KCNN2: variants seen among roughly 807,000 people sequenced by gnomAD.
The protein encoded by KCNN2 is potassium calcium-activated channel subfamily N member 2, also known as small conductance calcium-activated potassium channel protein 2.
A neutral mutation model predicts 55.5 loss-of-function variants in KCNN2; 24 were observed. The ratio of observed to expected loss-of-function variants is 0.43; its 90% CI spans 0.31 to 0.61. KCNN2 has a LOEUF of 0.61. Ranked by LOEUF, KCNN2 falls within the 20% of genes least tolerant of loss-of-function variation. The pLI is 0.08. For synonymous variants in KCNN2, 431 were observed against 336.1 expected, an observed-to-expected ratio of 1.28 and a Z score of -3.09; for missense variants, 754 against 853.6, an observed-to-expected ratio of 0.88 and a Z score of 1.45.
chr5:114,185,625 C>T (rs984445474), intron 1 of KCNN2, among the ~76,000 whole-genome samples: 4 of 152,240 alleles, frequency 2.6e-5, no homozygotes, highest in African/African-American at 9.6e-5. Flanking sequence ...ACCCTTTAAA[C>T]CATCTGCGAG....
intron 2 of KCNN2, among the ~76,000 whole-genome samples, chr5:114,287,768 G>A (rs917649635): frequency 2.0e-4 from 28 of 137,820 alleles, no homozygotes; most frequent in African/African-American, 7.4e-4. Context: ...AAAAAAAAAA[G>A]AAGAAGAATA....
intron 1 of KCNN2, among the ~76,000 whole-genome samples, chr5:114,142,963 G>A (rs1252364073): frequency 1.3e-5 from 2 of 152,080 alleles, no homozygotes; most frequent in Non-Finnish European, 2.9e-5. Flanking sequence ...TGTATTGCGG[G>A]ATCTGGCCAG....
chr5:114,364,480 A>G (rs531800683), intron 2 of KCNN2, among the ~76,000 whole-genome samples: 1 of 152,294 alleles, frequency 6.6e-6, no homozygotes, highest in South Asian at 2.1e-4. Flanking sequence ...AGATATGGGA[A>G]AAGATCTAAC....
chr5:114,154,954 G>C (rs554396522), intron 1 of KCNN2, among the ~76,000 whole-genome samples: 1 of 151,974 alleles, frequency 6.6e-6, no homozygotes, highest in African/African-American at 2.4e-5. Context: ...TTTCATCATG[G>C]GGGTTTGTTG....
rs547105593 is a variant in KCNN2, at chr5:114,263,827, T to C, written c.-185+42262T>C. 2.6e-5 allele frequency among the ~76,000 whole-genome samples: 4 copies of C among 152,236 alleles called. No homozygotes were observed. The South Asian group carries it at 8.3e-4, about 32-fold the overall frequency. The stretch of plus-strand genomic sequence containing the variant: ...TCACCCCTGCCTCTCATAAGGGAGT[T>C]TGAAAATTTAGGGAGTTCCCCTTCA... On this transcript the variant is annotated intron_variant, in intron 2 of 10. Transcript: ENST00000512097.
chr5:114,495,743 T>TG (rs920806627), intron 7 of KCNN2, 152 bp from the exon 8 acceptor site: 1 of 689,336 alleles, frequency 1.5e-6, no homozygotes, highest in African/African-American at 1.8e-5. Flanking sequence ...ACACATACAA[T>TG]GAGTTGGCTT....
chr5:114,108,388 A>T (rs1434380872), intron 1 of KCNN2, among the ~76,000 whole-genome samples: 4 of 151,960 alleles, frequency 2.6e-5, no homozygotes, highest in Non-Finnish European at 5.9e-5. Flanking sequence ...TCTTTTTTTA[A>T]TTGAGGCACA....
At chr5:114,060,431 T>C (rs1211467134) in intron 1 of KCNN2, among the ~76,000 whole-genome samples, 1 of 152,162 alleles carries the variant, frequency 6.6e-6, no homozygotes, top group Non-Finnish European at 1.5e-5. Context: ...ACATACGGTG[T>C]GTGAGCAGCA....
At chr5:114,444,703 A>C (rs989365606) in intron 3 of KCNN2, among the ~76,000 whole-genome samples, 12 of 152,078 alleles carry the variant, frequency 7.9e-5, no homozygotes, top group Non-Finnish European at 1.5e-4. Context: ...AGGAATATGG[A>C]GGGAGGACAG....
intron 5 of KCNN2, among the ~76,000 whole-genome samples, chr5:114,484,072 T>C (rs913215558): frequency 1.3e-5 from 2 of 152,132 alleles, no homozygotes; most frequent in African/African-American, 4.8e-5. Context: ...TACGTGTTAG[T>C]GTGGTTCATG....
rs532770366 is a variant in KCNN2, at chr5:114,426,160, CA to C, written c.1637+21314del. On this transcript the variant is annotated intron_variant, in intron 3 of 7. Coordinates refer to ENST00000673685, the MANE Select transcript of KCNN2 (RefSeq NM_021614.4). ...CATGCCACTGCCCTCCACCCTGTCTCAAAAAAAAAATGTGAAAAAGATCATA... is the reference window on the plus strand; with the variant it reads ...CATGCCACTGCCCTCCACCCTGTCTCAAAAAAAAATGTGAAAAAGATCATA... 5.8e-4 allele frequency among the ~76,000 whole-genome samples: 86 copies of C among 148,192 alleles called. 1 individual carries two copies. The highest frequency in any genetic ancestry group is 3.4e-3 in the South Asian group (16 of 4,702).
chr5:114,340,149 T>A (rs2150036193), intron 2 of KCNN2, among the ~76,000 whole-genome samples: 1 of 152,300 alleles, frequency 6.6e-6, no homozygotes, highest in South Asian at 2.1e-4. Context: ...CCAAAAAGAT[T>A]AAAAATTTTA....
chr5:114,260,508 C>T (rs1353106817), intron 2 of KCNN2, among the ~76,000 whole-genome samples: 1 of 152,184 alleles, frequency 6.6e-6, no homozygotes, highest in Non-Finnish European at 1.5e-5. Flanking sequence ...CATGTGTAAA[C>T]ATATATTGTC....
intron 3 of KCNN2, 83 bp downstream of exon 3, chr5:114,404,939 C>A: frequency 8.3e-7 from 1 of 1,203,360 alleles, no homozygotes; most frequent in Non-Finnish European, 1.2e-6. Flanking sequence ...AGACTTGAGA[C>A]GTGTAGTGTC....
chr5:114,374,920 A>G (rs930112863), intron 2 of KCNN2, among the ~76,000 whole-genome samples: 11 of 152,158 alleles, frequency 7.2e-5, no homozygotes, highest in African/African-American at 2.7e-4. Context: ...TAGTTTGACC[A>G]CTGTGACTTT....
At chr5:114,099,117 T>A (rs1486676583) in intron 1 of KCNN2, among the ~76,000 whole-genome samples, 1 of 152,152 alleles carries the variant, frequency 6.6e-6, no homozygotes, top group Non-Finnish European at 1.5e-5. Flanking sequence ...TTTGATGTGA[T>A]AAGTGTTTTC....
intron 2 of KCNN2, among the ~76,000 whole-genome samples, chr5:114,277,547 T>C (rs1053795548): frequency 6.6e-6 from 1 of 152,226 alleles, no homozygotes; most frequent in Admixed American, 6.5e-5. Context: ...TTTCACTGTG[T>C]TGTCTCTAAT....
At chr5:114,483,135 C>G (rs1762299977) in intron 5 of KCNN2, among the ~76,000 whole-genome samples, 1 of 151,792 alleles carries the variant, frequency 6.6e-6, no homozygotes, top group African/African-American at 2.4e-5. Context: ...ATCTTACTAC[C>G]CATGGTTTTA....
In KCNN2 at chr5:114,420,740, T is replaced by C. The variant is rs28672080; in HGVS notation, c.1637+15884T>C. Among the ~76,000 whole-genome samples, 646 of 152,352 alleles carry C rather than the reference T, an allele frequency of 4.2e-3. 2 individuals are homozygous for C. Among genetic ancestry groups the C allele is most frequent in the Non-Finnish European group, 7.4e-3 (504 of 68,026 alleles). On this transcript the variant is annotated intron_variant, in intron 3 of 7. Coordinates refer to ENST00000673685, the MANE Select transcript of KCNN2 (RefSeq NM_021614.4). ...GAAAGCATTCACAGAACATGTTTTA[T>C]AGGCAATCTAGAACTTTAATGGCAT...
Sources: gnomAD v4.1 joint callset for allele counts (sites outside exome capture counted in the v4.1 genomes callset) on GRCh38, gnomAD v4.1.1 for gene constraint, MANE v1.5 for transcripts, NCBI Gene and HGNC (gene_info 2026-07-23, HGNC 2026-07-21) for gene names.